Variants in ITGB5 observed in about 807,000 individuals in gnomAD.
ITGB5 encodes the protein integrin beta-5.
Under a neutral mutation model 84.8 loss-of-function variants are expected in ITGB5, and 38 were observed. That is an observed-to-expected ratio of 0.45 (90% CI 0.35 to 0.59). The LOEUF (loss-of-function observed/expected upper bound fraction) is 0.59. Ranked by LOEUF, ITGB5 falls within the 20% of genes least tolerant of loss-of-function variation. ITGB5 has a pLI of 0.01. For synonymous variants in ITGB5, 393 were observed against 414.4 expected (o/e 0.95, Z 0.63); for missense variants, 905 against 1,034.5 (o/e 0.87, Z 1.72).
upstream of ITGB5, among the ~76,000 whole-genome samples, chr3:124,891,334 T>G (rs576840291): frequency 6.6e-5 from 10 of 152,250 alleles, no homozygotes; most frequent in African/African-American, 2.4e-4. Flanking sequence ...CATCAACAGA[T>G]GAACAGAAGA....
At chr3:124,798,870 G>A (rs890345763) in intron 9 of ITGB5, among the ~76,000 whole-genome samples, 2 of 152,206 alleles carry the variant, frequency 1.3e-5, no homozygotes, top group African/African-American at 4.8e-5. Context: ...AGAGGGTATG[G>A]GACTGAGCAG....
At chr3:124,887,925 T>TC (rs1265071114), upstream of ITGB5, 1 of 238,830 alleles carries the variant, frequency 4.2e-6, no homozygotes, top group Admixed American at 4.9e-5. Flanking sequence ...CTTTTCTTTT[T>TC]TTTTTTTTTT....
At chr3:124,769,774 C>T (rs1277365634) in intron 11 of ITGB5, 1 of 152,270 alleles carries the variant, frequency 6.6e-6, no homozygotes, top group East Asian at 1.9e-4. Context: ...GGCCTGCTGC[C>T]CACTTACCCA....
chr3:124,814,148 A>G (rs996920315), intron 8 of ITGB5, among the ~76,000 whole-genome samples: 17 of 152,196 alleles, frequency 1.1e-4, no homozygotes, highest in Non-Finnish European at 1.2e-4. Context: ...TATATATCTT[A>G]TCGTACCACA....
chr3:124,799,582 A>G (rs1271110036), intron 9 of ITGB5, among the ~76,000 whole-genome samples: 1 of 152,180 alleles, frequency 6.6e-6, no homozygotes, highest in South Asian at 2.1e-4. Flanking sequence ...AAAGCAAAAC[A>G]AAACACTAAT....
chr3:124,840,433 GTTTT>G (rs72077875), intron 5 of ITGB5, among the ~76,000 whole-genome samples: 1 of 148,396 alleles, frequency 6.7e-6, no homozygotes, highest in Non-Finnish European at 1.5e-5. Flanking sequence ...ATTTAAGAGT[GTTTT>G]TTTTTTGTTA....
chr3:124,762,184 T>C lies in ITGB5; in HGVS notation c.*1439A>G, dbSNP rs1334402709. ...ACAGGCATTTCACTATTTGACTTAGTGTTTGCCAAAATGAAGTAAGGGGAA... is the reference window on the plus strand; with the variant it reads ...ACAGGCATTTCACTATTTGACTTAGCGTTTGCCAAAATGAAGTAAGGGGAA... On this transcript the variant is annotated 3_prime_UTR_variant, in exon 15 of 15. Transcript: ENST00000296181. 6.6e-6 allele frequency: 1 copy of C among 152,208 alleles called. No homozygotes were observed. Among genetic ancestry groups the C allele is most frequent in the East Asian group, 1.9e-4 (1 of 5,204 alleles). 9.4% of individuals were successfully genotyped at this position (152,208 alleles called of 1,614,324 possible). A position where few individuals can be genotyped will look rare whatever the true frequency, so the allele number is the denominator to read the frequency against.
chr3:124,887,609 G>C (rs1934889394), upstream of ITGB5: 1 of 398,836 alleles, frequency 2.5e-6, no homozygotes, highest in African/African-American at 2.1e-5. Context: ...CTTGGGGCGT[G>C]GGGGGCTCGA....
At chr3:124,885,955 G>GT (rs1266276650) in intron 1 of ITGB5, among the ~76,000 whole-genome samples, 1 of 152,210 alleles carries the variant, frequency 6.6e-6, no homozygotes, top group Non-Finnish European at 1.5e-5. Context: ...GAGCAATCAA[G>GT]TATCTCCGGC....
intron 1 of ITGB5, among the ~76,000 whole-genome samples, chr3:124,883,132 G>A (rs780548920): frequency 1.3e-5 from 2 of 152,200 alleles, no homozygotes; most frequent in Non-Finnish European, 2.9e-5. Context: ...ACACTGCCAT[G>A]TGAAAGGGGC....
intron 3 of ITGB5, among the ~76,000 whole-genome samples, chr3:124,850,200 C>T (rs2065132159): frequency 6.6e-6 from 1 of 152,050 alleles, no homozygotes; most frequent in African/African-American, 2.4e-5. Context: ...ATTTCACTAA[C>T]TAGATCACGA....
intron 13 of ITGB5, among the ~76,000 whole-genome samples, chr3:124,765,582 G>A (rs1877567): frequency 5.3e-5 from 8 of 152,058 alleles, no homozygotes; most frequent in Non-Finnish European, 1.2e-4. Flanking sequence ...TTACTTTCAC[G>A]TCTGTGCTCC....
At chr3:124,855,850 T>C (rs986304488) in intron 3 of ITGB5, among the ~76,000 whole-genome samples, 4 of 152,238 alleles carry the variant, frequency 2.6e-5, no homozygotes, top group Non-Finnish European at 4.4e-5. Flanking sequence ...GAGATGTAAC[T>C]ATACCAAATA....
At chr3:124,799,109 C>G (rs1355055546) in intron 9 of ITGB5, among the ~76,000 whole-genome samples, 97 of 152,290 alleles carry the variant, frequency 6.4e-4, no homozygotes, top group Non-Finnish European at 4.4e-5. Flanking sequence ...TACCTTCCAT[C>G]TCTGTGGGGT....
chr3:124,891,938 T>A (rs1463621427), upstream of ITGB5, among the ~76,000 whole-genome samples: 1 of 148,370 alleles, frequency 6.7e-6, no homozygotes, highest in Non-Finnish European at 1.5e-5. Flanking sequence ...AAAATAAAAA[T>A]AAAAAATGAA....
At chr3:124,799,753 G>A (rs536534878) in intron 9 of ITGB5, among the ~76,000 whole-genome samples, 1 of 152,282 alleles carries the variant, frequency 6.6e-6, no homozygotes, top group East Asian at 1.9e-4. Flanking sequence ...CAGCTGATGA[G>A]TGGGGCCAGG....
chr3:124,814,695 C>G (rs1031251916), intron 8 of ITGB5, among the ~76,000 whole-genome samples: 1 of 152,130 alleles, frequency 6.6e-6, no homozygotes, highest in Admixed American at 6.5e-5. Flanking sequence ...ATCCTCCCAG[C>G]TTAGCCTCCC....
chr3:124,783,565 T>C (rs1039248292), intron 10 of ITGB5, among the ~76,000 whole-genome samples: 4 of 152,192 alleles, frequency 2.6e-5, no homozygotes, highest in African/African-American at 7.2e-5. Flanking sequence ...TGGTTGACAA[T>C]ATCACCAGGA....
At chr3:124,869,335 GGAGGCA>G (rs2065441702) in intron 2 of ITGB5, among the ~76,000 whole-genome samples, 1 of 152,200 alleles carries the variant, frequency 6.6e-6, no homozygotes, top group Non-Finnish European at 1.5e-5. Flanking sequence ...CAGCACTTTG[GGAGGCA>G]GAGGCAGGCA....
Sources: gnomAD v4.1 joint callset for allele counts (sites outside exome capture counted in the v4.1 genomes callset) on GRCh38, gnomAD v4.1.1 for gene constraint, MANE v1.5 for transcripts, NCBI Gene and HGNC (gene_info 2026-07-23, HGNC 2026-07-21) for gene names.